Variants in NARF observed in about 807,000 individuals in gnomAD.
NARF encodes nuclear prelamin A recognition factor.
NARF carries 41 observed loss-of-function variants against 48.0 expected under a neutral mutation model. That is an observed-to-expected ratio of 0.85 (90% confidence interval 0.66 to 1.11). NARF has a LOEUF of 1.11. Among genes scored for constraint, NARF ranks in the 50% least tolerant of loss-of-function variants. The pLI is 0.00. For missense variants in NARF, 613 were observed against 590.2 expected, an observed-to-expected ratio of 1.04 and a Z score of -0.40; for synonymous variants, 215 against 225.5, an observed-to-expected ratio of 0.95 and a Z score of 0.42.
chr17:82,464,637 C>T (rs542963465), intron 3 of NARF, among the ~76,000 whole-genome samples: 17 of 152,352 alleles, frequency 1.1e-4, no homozygotes, highest in African/African-American at 4.1e-4. Flanking sequence ...CTTAATAATG[C>T]TCAGGCAGTG....
Position 82,483,696 on chromosome 17 carries a change from CTT to C in NARF, c.770-19_770-18del, listed in dbSNP as rs757898062. ...GTGGCCACCTGTGTCTTTTCAGTGT[CTT>C]ACTTCGTTTGTCTGCAGGTGAAATT... On this transcript the variant is annotated intron_variant, in intron 7 of 10. Transcript: ENST00000309794. 2 of 1,613,464 alleles carry C rather than the reference CTT, an allele frequency of 1.2e-6. No individual in the cohort carries two copies. The highest frequency in any genetic ancestry group is 2.2e-5 in the South Asian group (2 of 91,048).
chr17:82,460,917 T>TC (rs1024282348), intron 2 of NARF: 1 of 151,466 alleles, frequency 6.6e-6, no homozygotes, highest in African/African-American at 2.4e-5. Context: ...TTCTTTTAAT[T>TC]TTTTTTTTCC....
chr17:82,465,840 A>G (rs1048287176), intron 3 of NARF, among the ~76,000 whole-genome samples: 1 of 152,230 alleles, frequency 6.6e-6, no homozygotes. Context: ...TGTTAGGATT[A>G]TAGGCATCAG....
At chr17:82,476,932 T>A (rs1427760787) in intron 5 of NARF, 1 of 151,816 alleles carries the variant, frequency 6.6e-6, no homozygotes, top group Non-Finnish European at 1.5e-5. Flanking sequence ...GGTTTCACCA[T>A]GTTGGCCAGG....
intron 7 of NARF, chr17:82,483,486 G>A (rs1435705578): frequency 1.9e-6 from 1 of 512,880 alleles, no homozygotes; most frequent in Non-Finnish European, 3.5e-6. Context: ...CACAGTTCAA[G>A]GGCAGAAAGA....
rs767019026 is a variant in NARF, at chr17:82,466,292, CT to C, written c.252+1863del. On this transcript the variant is annotated intron_variant, in intron 3 of 10. Transcript: ENST00000309794. ...AATATCAAATTCAGTTTTTTCCCCCCTGATACATAGAGAATTGTATCTCATT... is the reference window on the plus strand; with the variant it reads ...AATATCAAATTCAGTTTTTTCCCCCCGATACATAGAGAATTGTATCTCATT... Among the ~76,000 whole-genome samples, 49 of 152,290 alleles carry C rather than the reference CT, an allele frequency of 3.2e-4. 1 individual carries two copies. In the Middle Eastern group the frequency reaches 0.01, roughly 32 times the overall value.
rs149241878 is a variant in NARF at position 82,487,639 on chromosome 17, C to G, written c.1130-277C>G. On this transcript the variant is annotated intron_variant, in intron 10 of 10. Transcript: ENST00000309794. Reference sequence around the variant, plus strand: ...CCCTTTATTCCTCTCCTGCTTCCAACTCTTCCCTGTGAGGCAAAACTTCCT... The same window carrying G: ...CCCTTTATTCCTCTCCTGCTTCCAAGTCTTCCCTGTGAGGCAAAACTTCCT... 4.7e-3 allele frequency among the ~76,000 whole-genome samples: 722 copies of G among 152,244 alleles called. 3 individuals are homozygous for G. The highest frequency in any genetic ancestry group is 0.016 in the African/African-American group (667 of 41,532).
intron 10 of NARF, among the ~76,000 whole-genome samples, chr17:82,486,021 TCTC>T (rs2044087867): frequency 6.6e-6 from 1 of 152,140 alleles, no homozygotes; most frequent in Non-Finnish European, 1.5e-5. Flanking sequence ...GCATGAGCCT[TCTC>T]TGTCCTGAGT....
chr17:82,467,568 A>G (rs886717717), intron 3 of NARF, among the ~76,000 whole-genome samples: 2 of 151,558 alleles, frequency 1.3e-5, no homozygotes, highest in Admixed American at 1.3e-4. Context: ...GCTCACTGCA[A>G]CCTCCATTTC....
chr17:82,460,019 G>A lies in NARF; in HGVS notation c.55G>A (p.Asp19Asn). The change falls in exon 2 of 11, where the codon GAC becomes AAC. Residue 19 changes from aspartate (D) to asparagine (N), a missense_variant. Physicochemically the swap from Asp to Asn is conservative, Grantham distance 23. Coordinates refer to ENST00000309794, the MANE Select transcript of NARF (RefSeq NM_012336.4). ...ATGTAGTAAGAAAACAAAAACTGAT[G>A]ACCAAGAGAATGTGTCAGCCGATGC... is the stretch of plus-strand genomic sequence containing the variant. Reference protein sequence around the residue: ...KECSKKTKTDDQENVSADAPS... With the variant: ...KECSKKTKTDNQENVSADAPS... The A allele has an allele frequency of 1.9e-6, 3 of 1,613,728 alleles. No homozygotes were observed. The highest frequency in any genetic ancestry group is 2.5e-6 in the Non-Finnish European group (3 of 1,179,812).
At chr17:82,483,244 G>T in intron 7 of NARF, 1 of 381,760 alleles carries the variant, frequency 2.6e-6, no homozygotes, top group Non-Finnish European at 5.3e-6. Flanking sequence ...ACTTGAACCC[G>T]GGAGGCAGAG....
chr17:82,461,858 G>A (rs2043447517), intron 2 of NARF, among the ~76,000 whole-genome samples: 1 of 152,230 alleles, frequency 6.6e-6, no homozygotes, highest in Admixed American at 6.5e-5. Flanking sequence ...CGGTTGCCCT[G>A]TGTGCCAGTG....
At chr17:82,480,975 G>T (rs1040536235) in intron 6 of NARF, 107 bp from the exon 7 acceptor site, 1 of 1,397,018 alleles carries the variant, frequency 7.2e-7, no homozygotes, top group Admixed American at 1.8e-5. Context: ...TGTCTGGAGG[G>T]CAGCAGCAGG....
chr17:82,482,270 C>T, intron 7 of NARF: 1 of 430,666 alleles, frequency 2.3e-6, no homozygotes, highest in Non-Finnish European at 4.6e-6. Flanking sequence ...ACGCAGACGC[C>T]TCTGGAAAGG....
At position 82,472,569 on chromosome 17, in the gene NARF, C is replaced by T; in HGVS notation, c.391C>T (p.His131Tyr). 1 of 1,611,506 alleles carries T rather than the reference C, an allele frequency of 6.2e-7. No individual in the cohort carries two copies. Among genetic ancestry groups the T allele is most frequent in the Non-Finnish European group, 8.5e-7 (1 of 1,178,830 alleles). Residue 131 changes from histidine to tyrosine, a missense_variant, in exon 5 of 11, where the codon CAC becomes TAC. Coordinates refer to ENST00000309794, the MANE Select transcript of NARF (RefSeq NM_012336.4). ...LCGFLKSLGV[H>Y]YVFDTTIAAD... ...TATGCTCCTCTCTCCTGCAGGGGTG[C>T]ACTATGTATTTGATACGACGATAGC...
At chr17:82,462,777 C>A (rs945513982) in intron 2 of NARF, 1 of 152,498 alleles carries the variant, frequency 6.6e-6, no homozygotes, top group Admixed American at 6.6e-5. Flanking sequence ...GGAATCAGAC[C>A]TGGACCATGA....
Position 82,458,847 on chromosome 17 carries a change from G to C in NARF, c.27+17G>C. ...ACGCGCAAGGTGAGCGCCGCGGGCC[G>C]GGGAGGCGCGCGCCTGGTGCTTGTC... is the stretch of plus-strand genomic sequence containing the variant. On this transcript the variant is annotated intron_variant, in intron 1 of 10. Transcript: ENST00000309794. 1 of 1,396,810 alleles carries C rather than the reference G, an allele frequency of 7.2e-7. No individual in the cohort carries two copies. The highest frequency in any genetic ancestry group is 1.5e-5 in the African/African-American group (1 of 66,838). The allele number at this position is 1,396,810 out of a possible 1,614,324, so 86.5% of individuals were successfully genotyped here.
At chr17:82,473,627 A>G (rs1328817107) in intron 5 of NARF, among the ~76,000 whole-genome samples, 1 of 151,994 alleles carries the variant, frequency 6.6e-6, no homozygotes, top group Non-Finnish European at 1.5e-5. Context: ...CTGGGATTAC[A>G]GGCGTGAGCC....
intron 8 of NARF, 113 bp downstream of exon 8, chr17:82,483,892 C>G (rs1599853787): frequency 8.4e-6 from 8 of 948,102 alleles, no homozygotes; most frequent in African/African-American, 1.6e-5. Context: ...ATGTGAAGCA[C>G]TGCGATGCAG....
Sources: allele counts gnomAD v4.1 joint callset (sites outside exome capture counted in the v4.1 genomes callset), GRCh38; gene constraint gnomAD v4.1.1; transcripts MANE v1.5; gene names NCBI Gene and HGNC (gene_info 2026-07-23, HGNC 2026-07-21).